CHST7: variants seen among roughly 807,000 people sequenced by gnomAD.
CHST7 encodes carbohydrate sulfotransferase 7, also known as N-acetylglucosamine 6-O-sulfotransferase 4.
In CHST7, 5 loss-of-function variants were observed where a neutral mutation model predicts 9.0. The ratio of observed to expected loss-of-function variants is 0.56; its 90% CI spans 0.29 to 1.17. The LOEUF is 1.17. CHST7 is among the 50% of genes most tolerant of loss of function. The pLI, the probability that CHST7 is intolerant of heterozygous loss-of-function variation, is 0.08. For missense variants in CHST7, 377 were observed against 485.1 expected (o/e 0.78, Z 2.09); for synonymous variants, 244 against 237.1 (o/e 1.03, Z -0.27).
At chrX:46,591,667 G>A (rs1308793901) in intron 1 of CHST7, among the ~76,000 whole-genome samples, 1 of 111,187 alleles carries the variant, frequency 9.0e-6, no homozygotes, top group Non-Finnish European at 1.9e-5. Context: ...GAGCCACCGC[G>A]CCTGGCCGAG....
chrX:46,575,176 C>A lies in CHST7; in HGVS notation c.1245C>A (p.Gly415=). ...ACATGACTCGCGGCGCGGCCTACGG[C>A]GCCGACCGGCCCTTCCACCTGTCAG... is the stretch of plus-strand genomic sequence containing the variant. ...ALNMTRGAAY[G]ADRPFHLSAR... is the part of the protein sequence containing the mutation. The change falls in exon 1 of 2, where the codon GGC becomes GGA. Residue 415 remains glycine (G), a synonymous_variant. Coordinates refer to ENST00000276055, the MANE Select transcript of CHST7 (RefSeq NM_019886.4). The A allele has an allele frequency of 9.1e-7, 1 of 1,099,883 alleles. No homozygotes were observed. Among genetic ancestry groups the A allele is most frequent in the Non-Finnish European group, 1.2e-6 (1 of 849,587 alleles). The allele number at this position is 1,099,883 out of a possible 1,213,427, so 90.6% of individuals were successfully genotyped here.
chrX:46,583,085 G>T (rs1383699300), intron 1 of CHST7, among the ~76,000 whole-genome samples: 2 of 110,405 alleles, frequency 1.8e-5, no homozygotes, highest in African/African-American at 6.6e-5. Flanking sequence ...GTCTCAGCCT[G>T]CCCTCAGCAT....
chrX:46,575,775 G>T (rs1015331248), intron 1 of CHST7, among the ~76,000 whole-genome samples: 7 of 111,801 alleles, frequency 6.3e-5, no homozygotes, highest in African/African-American at 2.3e-4. Context: ...GTGAGACTGG[G>T]AATTGACATG....
Position 46,575,247 on chromosome X carries a change from G to A in CHST7, c.1316G>A (p.Ser439Asn). ...GTGCACGCCTGGCGCGAGCGCCTGA[G>A]CCGAGAGCAGGTGCGCCAGGTGGAG... ...EAVHAWRERL[S>N]REQVRQVEAA... Residue 439 changes from serine (S) to asparagine (N), a missense_variant, in exon 1 of 2, where the codon AGC (serine) becomes AAC (asparagine). Around this residue, in one of 3 missense-constraint regions of CHST7, gnomAD observed 130 missense variants for 134.9 expected, o/e 0.96. Coordinates refer to ENST00000276055, the MANE Select transcript of CHST7 (RefSeq NM_019886.4). 1 of 1,105,476 alleles carries A rather than the reference G, an allele frequency of 9.0e-7. No individual in the cohort carries two copies. The highest frequency in any genetic ancestry group is 1.2e-6 in the Non-Finnish European group (1 of 848,186). 91.1% of individuals were successfully genotyped at this position (1,105,476 alleles called of 1,213,427 possible). A position where few individuals can be genotyped will look rare whatever the true frequency, so the allele number is the denominator to read the frequency against.
In CHST7 at chrX:46,598,013, C is replaced by A. The variant is rs924048572; in HGVS notation, c.*285C>A. 1 of 112,416 alleles carries A rather than the reference C, an allele frequency of 8.9e-6. No individual in the cohort carries two copies. The highest frequency in any genetic ancestry group is 1.9e-5 in the Non-Finnish European group (1 of 53,245). 9.3% of individuals were successfully genotyped at this position (112,416 alleles called of 1,213,427 possible). A position where few individuals can be genotyped will look rare whatever the true frequency, so the allele number is the denominator to read the frequency against. On this transcript the variant is annotated 3_prime_UTR_variant, in exon 2 of 2. Coordinates refer to ENST00000276055, the MANE Select transcript of CHST7 (RefSeq NM_019886.4). The stretch of plus-strand genomic sequence containing the variant: ...TGTAAAATAGGAAGAGCTTTAGTTC[C>A]CAGGCTGAACCTGCCACTGCTGGAG...
intron 1 of CHST7, among the ~76,000 whole-genome samples, chrX:46,578,269 CTT>C (rs3071957): frequency 1.9e-5 from 1 of 51,339 alleles, no homozygotes. Context: ...CTGCCATGCT[CTT>C]TTTTTTTTTT....
intron 1 of CHST7, among the ~76,000 whole-genome samples, chrX:46,577,561 A>G (rs1942505906): frequency 8.9e-6 from 1 of 111,804 alleles, no homozygotes; most frequent in African/African-American, 3.3e-5. Flanking sequence ...GCTATGTGTC[A>G]TGCACTGAGT....
At chrX:46,577,351 C>A (rs771138903) in intron 1 of CHST7, among the ~76,000 whole-genome samples, 1 of 110,543 alleles carries the variant, frequency 9.0e-6, no homozygotes, top group East Asian at 2.9e-4. Flanking sequence ...AAGCTTTAGG[C>A]TCTTCCAGAC....
At chrX:46,589,378 C>T (rs1006462081) in intron 1 of CHST7, among the ~76,000 whole-genome samples, 5 of 110,441 alleles carry the variant, frequency 4.5e-5, no homozygotes, top group African/African-American at 9.9e-5. Flanking sequence ...AGTGAAACCC[C>T]GTCTCTGCTA....
In CHST7 at chrX:46,575,051, C is replaced by A; in HGVS notation, c.1120C>A (p.Arg374Ser). The A allele has an allele frequency of 8.8e-7, 1 of 1,134,854 alleles. No individual in the cohort carries two copies. The highest frequency in any genetic ancestry group is 1.2e-6 in the Non-Finnish European group (1 of 867,101). The allele number at this position is 1,134,854 out of a possible 1,213,427, so 93.5% of individuals were successfully genotyped here. A position where few individuals can be genotyped will look rare whatever the true frequency, so the allele number is the denominator to read the frequency against. The change falls in exon 1 of 2, where the codon CGC becomes AGC. Residue 374 changes from arginine to serine, a missense_variant. Transcript: ENST00000276055. ...AWLRRRYLRL[R>S]YEDLVRQPRA... ...GCTGCGGCGCCGCTACCTGAGGCTGCGCTATGAGGACCTGGTGCGGCAGCC... is the reference window on the plus strand; with the variant it reads ...GCTGCGGCGCCGCTACCTGAGGCTGAGCTATGAGGACCTGGTGCGGCAGCC...
In CHST7 at chrX:46,574,941, C is replaced by A. The variant is rs1942489494; in HGVS notation, c.1010C>A (p.Ala337Asp). Residue 337 changes from alanine to aspartate, a missense_variant, in exon 1 of 2, where the codon GCC (alanine) becomes GAC (aspartate). Around this residue, in one of 3 missense-constraint regions of CHST7, gnomAD observed 239 missense variants for 325.7 expected, o/e 0.73. Coordinates refer to ENST00000276055, the MANE Select transcript of CHST7 (RefSeq NM_019886.4). ...QSRALPAAPR[A>D]DFFLTGALEV... ...CGCGCGCTGCCCGCCGCGCCGCGCG[C>A]CGATTTCTTCCTGACCGGTGCGCTC... The A allele has an allele frequency of 8.7e-7, 1 of 1,152,936 alleles. No individual in the cohort carries two copies. The highest frequency in any genetic ancestry group is 1.1e-6 in the Non-Finnish European group (1 of 875,439).
chrX:46,594,523 CAA>C (rs35615048), intron 1 of CHST7, among the ~76,000 whole-genome samples: 76 of 82,693 alleles, frequency 9.2e-4, no homozygotes, highest in East Asian at 1.1e-3. Flanking sequence ...AGACTCTGTC[CAA>C]AAAAAAAAAA....
chrX:46,582,764 C>T (rs1483546750), intron 1 of CHST7, among the ~76,000 whole-genome samples: 1 of 111,499 alleles, frequency 9.0e-6, no homozygotes, highest in East Asian at 2.8e-4. Context: ...ATTGTACTTA[C>T]TGACTCGAGC....
rs894083867 is a variant in CHST7 at position 46,591,522 on chromosome X, G to A, written c.*32-6238G>A. The stretch of plus-strand genomic sequence containing the variant: ...CCCCAGTAGCTGGGATTACAGGGGT[G>A]CGCCATCACACCCAGCTAGTTTTTG... On this transcript the variant is annotated intron_variant, in intron 1 of 1. Transcript: ENST00000276055. Among the ~76,000 whole-genome samples, 3 of 109,678 alleles carry A rather than the reference G, an allele frequency of 2.7e-5. 1 individual carries two copies. The highest frequency in any genetic ancestry group is 5.7e-5 in the Non-Finnish European group (3 of 52,529).
chrX:46,581,249 A>AT (rs1556028611), intron 1 of CHST7, among the ~76,000 whole-genome samples: 67 of 89,852 alleles, frequency 7.5e-4, no homozygotes, highest in African/African-American at 1.9e-3. Context: ...AAAAAAAAAA[A>AT]AATAATAATA....
chrX:46,585,915 T>G (rs746856704), intron 1 of CHST7, among the ~76,000 whole-genome samples: 22 of 110,406 alleles, frequency 2.0e-4, no homozygotes, highest in African/African-American at 7.2e-4. Context: ...CTGGCTAATT[T>G]TTTTGTATTT....
In CHST7 at chrX:46,574,724, C is replaced by A. The variant is rs1447855448; in HGVS notation, c.793C>A (p.Arg265Ser). The change falls in exon 1 of 2, where the codon CGT becomes AGT. Residue 265 changes from arginine to serine, a missense_variant. Arg to Ser is a moderately radical substitution (Grantham distance 110, BLOSUM62 -1). Around this residue, in one of 3 missense-constraint regions of CHST7, gnomAD observed 239 missense variants for 325.7 expected, o/e 0.73. Coordinates refer to ENST00000276055, the MANE Select transcript of CHST7 (RefSeq NM_019886.4). Reference protein sequence around the residue: ...LDLGVLVPLLRDPGLNLKVVQ... With the variant: ...LDLGVLVPLLSDPGLNLKVVQ... ...TCTGGGCGTGCTGGTGCCCCTGTTG[C>A]GTGATCCAGGCCTCAACCTGAAGGT... The A allele has an allele frequency of 8.3e-7, 1 of 1,208,256 alleles. No individual in the cohort carries two copies. The highest frequency in any genetic ancestry group is 2.2e-5 in the Admixed American group (1 of 45,768).
rs749756933 is a variant in CHST7 at position 46,579,574 on chromosome X, T to G, written c.*31+4151T>G. Among the ~76,000 whole-genome samples, 4 of 99,054 alleles carry G rather than the reference T, an allele frequency of 4.0e-5. No individual in the cohort carries two copies. In the East Asian group the frequency reaches 1.2e-3, roughly 29 times the overall value. The allele number at this position is 99,054 out of a possible 115,157, so 86.0% of individuals were successfully genotyped here. ...TTGAACCCTAACAATCAGGAAGCTT[T>G]CTTTCTAAAGAAATCATGTAAACAG... On this transcript the variant is annotated intron_variant, in intron 1 of 1. Transcript: ENST00000276055.
intron 1 of CHST7, among the ~76,000 whole-genome samples, chrX:46,591,420 G>T (rs979787690): frequency 9.0e-6 from 1 of 111,514 alleles, no homozygotes; most frequent in African/African-American, 3.3e-5. Context: ...TGTCGCGCAG[G>T]TTGGAGTGCA....
Sources: gnomAD v4.1 joint callset for allele counts (sites outside exome capture counted in the v4.1 genomes callset) on GRCh38, gnomAD v4.1.1 for gene constraint, gnomAD v4.1.1 regional missense constraint, MANE v1.5 for transcripts, NCBI Gene and HGNC (gene_info 2026-07-23, HGNC 2026-07-21) for gene names.